ASB15: variants seen among roughly 807,000 people sequenced by gnomAD.
ASB15 encodes ankyrin repeat and SOCS box containing 15, also known as ankyrin repeat and SOCS box protein 15.
In ASB15, 54 loss-of-function variants were observed where a neutral mutation model predicts 58.0. The observed-to-expected ratio is 0.93, with a 90% CI of 0.75 to 1.17. The LOEUF (loss-of-function observed/expected upper bound fraction) is 1.17, where lower values mean the gene tolerates loss of function less well. Ranked by LOEUF, ASB15 falls within the 50% of genes most tolerant of loss-of-function variation. ASB15 has a pLI of 0.00. For missense variants in ASB15, 680 were observed against 707.4 expected, an observed-to-expected ratio of 0.96 and a Z score of 0.44; for synonymous variants, 249 against 262.4, an observed-to-expected ratio of 0.95 and a Z score of 0.50.
chr7:123,617,040 C>T (rs1465415819), intron 6 of ASB15, among the ~76,000 whole-genome samples: 2 of 152,138 alleles, frequency 1.3e-5, no homozygotes, highest in Non-Finnish European at 2.9e-5. Flanking sequence ...CAGCATCTTA[C>T]AGAACACTTT....
intron 1 of ASB15, among the ~76,000 whole-genome samples, chr7:123,568,476 G>A (rs1194435095): frequency 2.6e-5 from 4 of 151,136 alleles, no homozygotes; most frequent in Non-Finnish European, 5.9e-5. Flanking sequence ...AGCAGAGATC[G>A]TGCCATTGCA....
chr7:123,611,981 C>T (rs1800491526), intron 3 of ASB15, among the ~76,000 whole-genome samples: 1 of 150,764 alleles, frequency 6.6e-6, no homozygotes, highest in African/African-American at 2.4e-5. Flanking sequence ...AAAAAAAAAA[C>T]GTTAAAATAA....
At chr7:123,605,636 G>A (rs1162404483) in intron 2 of ASB15, among the ~76,000 whole-genome samples, 2 of 152,112 alleles carry the variant, frequency 1.3e-5, no homozygotes, top group South Asian at 2.1e-4. Flanking sequence ...AATGTTGTAC[G>A]TATACACCAT....
chr7:123,627,299 G>A lies in ASB15; in HGVS notation c.869+18G>A. 6.3e-7 allele frequency: 1 copy of A among 1,590,252 alleles called. No homozygotes were observed. The stretch of plus-strand genomic sequence containing the variant: ...CATTATCTGTGAGTGATAAATTATA[G>A]GGTAATTATTTGAGTTAAAAATGCT... On this transcript the variant is annotated intron_variant, in intron 9 of 11. Coordinates refer to ENST00000451215, the MANE Select transcript of ASB15 (RefSeq NM_001290258.2).
intron 7 of ASB15, chr7:123,622,740 A>G (rs1490232816): frequency 2.0e-5 from 3 of 152,192 alleles, no homozygotes; most frequent in Non-Finnish European, 4.4e-5. Context: ...TGTTTAGCTT[A>G]CTTGATGTTT....
intron 1 of ASB15, among the ~76,000 whole-genome samples, chr7:123,578,149 G>A (rs1234521522): frequency 1.3e-5 from 2 of 149,470 alleles, no homozygotes; most frequent in African/African-American, 5.0e-5. Flanking sequence ...CAAATGAATA[G>A]TAAAATAAAT....
At chr7:123,606,808 T>C (rs1800167948) in intron 2 of ASB15, among the ~76,000 whole-genome samples, 1 of 152,186 alleles carries the variant, frequency 6.6e-6, no homozygotes, top group Non-Finnish European at 1.5e-5. Flanking sequence ...AGGTTAATAG[T>C]CCATTGTAAA....
At chr7:123,568,684 A>C (rs1040664384) in intron 1 of ASB15, among the ~76,000 whole-genome samples, 2 of 152,214 alleles carry the variant, frequency 1.3e-5, no homozygotes, top group Admixed American at 1.3e-4. Context: ...GATGAAAGGC[A>C]AAAATGTTTG....
Position 123,624,630 on chromosome 7 carries a change from C to G in ASB15, c.513C>G (p.Asp171Glu). Residue 171 changes from aspartate to glutamate, a missense_variant, in exon 8 of 12, where the codon GAC becomes GAG. By Grantham distance (45) the Asp-to-Glu change is conservative (BLOSUM62 2). Coordinates refer to ENST00000451215, the MANE Select transcript of ASB15 (RefSeq NM_001290258.2). ...STLIKHNTSLDQPCVKRWSAM... is the reference protein window; with the variant it reads ...STLIKHNTSLEQPCVKRWSAM... ...TGATCAAACATAACACTAGCCTAGA[C>G]CAGCCCTGTGTCAAGCGATGGTCAG... is the stretch of plus-strand genomic sequence containing the variant. 6.2e-7 allele frequency: 1 copy of G among 1,613,954 alleles called. No homozygotes were observed. The highest frequency in any genetic ancestry group is 8.5e-7 in the Non-Finnish European group (1 of 1,179,850).
chr7:123,591,699 G>A (rs1010961131), intron 1 of ASB15, among the ~76,000 whole-genome samples: 5 of 152,222 alleles, frequency 3.3e-5, no homozygotes, highest in Admixed American at 3.3e-4. Flanking sequence ...GATTCGGTTT[G>A]CCAGTGTTTT....
intron 3 of ASB15, among the ~76,000 whole-genome samples, chr7:123,612,048 G>C (rs1800496618): frequency 6.6e-6 from 1 of 152,002 alleles, no homozygotes. Context: ...CTCATACACT[G>C]AAAGCCCAAA....
At chr7:123,611,524 C>T (rs1357696080) in intron 3 of ASB15, among the ~76,000 whole-genome samples, 1 of 152,094 alleles carries the variant, frequency 6.6e-6, no homozygotes, top group Non-Finnish European at 1.5e-5. Context: ...TCTCGATCTC[C>T]TGACCTCGTG....
intron 1 of ASB15, among the ~76,000 whole-genome samples, chr7:123,586,388 G>A (rs1036651008): frequency 5.9e-5 from 9 of 151,718 alleles, no homozygotes; most frequent in African/African-American, 1.7e-4. Flanking sequence ...TAGAAAAAAT[G>A]TCTATTCAGA....
intron 1 of ASB15, 109 bp from the exon 2 acceptor site, chr7:123,603,923 A>C (rs1055753386): frequency 6.6e-6 from 1 of 152,202 alleles, no homozygotes; most frequent in African/African-American, 2.4e-5. Context: ...GTTTGAGAAA[A>C]GGGAACACTT....
intron 7 of ASB15, among the ~76,000 whole-genome samples, chr7:123,618,614 C>A (rs6973716): frequency 6.6e-6 from 1 of 151,324 alleles, no homozygotes; most frequent in Non-Finnish European, 1.5e-5. Flanking sequence ...GAGGAGGAGA[C>A]GGAAGAGGAG....
chr7:123,570,544 T>C (rs1479052810), intron 1 of ASB15, among the ~76,000 whole-genome samples: 1 of 152,148 alleles, frequency 6.6e-6, no homozygotes, highest in African/African-American at 2.4e-5. Flanking sequence ...CCAAACACAC[T>C]AAGAAACTGG....
upstream of ASB15, among the ~76,000 whole-genome samples, chr7:123,597,342 T>C (rs969363712): frequency 1.3e-5 from 2 of 152,252 alleles, no homozygotes; most frequent in Admixed American, 1.3e-4. Flanking sequence ...TTTTATTTAA[T>C]GATGGCTGCA....
chr7:123,585,257 T>G (rs1799344713), intron 1 of ASB15, among the ~76,000 whole-genome samples: 1 of 151,724 alleles, frequency 6.6e-6, no homozygotes, highest in Non-Finnish European at 1.5e-5. Context: ...ATTGAAAAAT[T>G]TGTTGTTTCT....
Position 123,636,998 on chromosome 7 carries a change from G to A in ASB15, c.*17G>A, listed in dbSNP as rs1802463969. ...TTGACATAACTTAATATTTTAAAAT[G>A]TGATTTAAAAAAAATGTTGAAATGT... On this transcript the variant is annotated 3_prime_UTR_variant, in exon 12 of 12. Transcript: ENST00000451215. 1.4e-6 allele frequency: 2 copies of A among 1,458,530 alleles called. No individual in the cohort carries two copies. The highest frequency in any genetic ancestry group is 2.9e-5 in the African/African-American group (2 of 69,808). 90.3% of individuals were successfully genotyped at this position (1,458,530 alleles called of 1,614,324 possible).
Sources: gnomAD v4.1 joint callset for allele counts (sites outside exome capture counted in the v4.1 genomes callset) on GRCh38, gnomAD v4.1.1 for gene constraint, MANE v1.5 for transcripts, NCBI Gene and HGNC (gene_info 2026-07-23, HGNC 2026-07-21) for gene names.